Variants in ACTR3C observed in about 807,000 individuals in gnomAD.
ACTR3C encodes the protein actin-related protein 3C.
ACTR3C carries 18 observed loss-of-function variants against 26.3 expected under a neutral mutation model. The observed-to-expected ratio is 0.68, with a 90% CI of 0.47 to 1.01. The LOEUF is 1.01. Ranked by LOEUF, ACTR3C falls within the 50% of genes least tolerant of loss-of-function variation. The pLI is 0.00. For missense variants in ACTR3C, 184 were observed against 250.7 expected (o/e 0.73, Z 1.80); for synonymous variants, 55 against 94.5 (o/e 0.58, Z 2.42).
rs540380611 is a variant in ACTR3C, at chr7:150,288,264, C to T, written c.297+1186G>A. Among the ~76,000 whole-genome samples the T allele has an allele frequency of 6.7e-5, 10 of 150,136 alleles. No individual in the cohort carries two copies. In the East Asian group the frequency reaches 1.9e-3, roughly 29 times the overall value. ...GGGTCCAAATTGGAACCCCAACAGC[C>T]CGTGAGGAGAGTTGAAGGCCCAGCA... On this transcript the variant is annotated intron_variant, in intron 4 of 7. Transcript: ENST00000683684.
the ACTR3C span, among the ~76,000 whole-genome samples, chr7:150,131,564 G>A: frequency 6.6e-6 from 1 of 152,156 alleles, no homozygotes; most frequent in Admixed American, 6.5e-5. Flanking sequence ...ATCTTAGCCA[G>A]GACAGGAGCT....
At chr7:150,002,161 C>T in the ACTR3C span, 1 of 152,200 alleles carries the variant, frequency 6.6e-6, no homozygotes, top group African/African-American at 2.4e-5. Context: ...GATATAAGAC[C>T]CAGAGACTGG....
chr7:150,279,825 G>C (rs1002625339), intron 6 of ACTR3C, among the ~76,000 whole-genome samples: 8 of 152,130 alleles, frequency 5.3e-5, no homozygotes, highest in Admixed American at 5.2e-4. Flanking sequence ...TCACTTTAAT[G>C]ACATTTAGCT....
the ACTR3C span, among the ~76,000 whole-genome samples, chr7:150,122,632 T>C: frequency 6.6e-6 from 1 of 152,224 alleles, no homozygotes; most frequent in Admixed American, 6.5e-5. Context: ...GCTTTTACAC[T>C]GTTGGTGGGA....
chr7:150,020,537 C>G, the ACTR3C span, among the ~76,000 whole-genome samples: 2 of 151,960 alleles, frequency 1.3e-5, no homozygotes, highest in Non-Finnish European at 2.9e-5. Flanking sequence ...ACTTCATTCC[C>G]CCCATCCATG....
At chr7:150,209,722 TACACACACACACAC>T in the ACTR3C span, among the ~76,000 whole-genome samples, 9 of 129,306 alleles carry the variant, frequency 7.0e-5, no homozygotes, top group African/African-American at 8.8e-5. Flanking sequence ...CTACTAAAAA[TACACACACACACAC>T]ACACACACAC....
intron 6 of ACTR3C, among the ~76,000 whole-genome samples, chr7:150,266,310 G>A (rs2530953): frequency 0.19 from 26,468 of 137,002 alleles, 4,923 homozygotes; most frequent in African/African-American, 0.5. Flanking sequence ...AAAGTCATCA[G>A]GATACTTCAA....
intron 6 of ACTR3C, among the ~76,000 whole-genome samples, chr7:150,250,455 G>A (rs901450182): frequency 5.3e-5 from 8 of 151,770 alleles, no homozygotes; most frequent in East Asian, 3.9e-4. Context: ...CGCCCGCCTC[G>A]GCCTCCCAAA....
chr7:150,092,198 C>T, the ACTR3C span, among the ~76,000 whole-genome samples: 1 of 141,068 alleles, frequency 7.1e-6, no homozygotes, highest in Admixed American at 7.1e-5. Context: ...ATATTTACTA[C>T]ATGTTTTTCT....
chr7:150,271,193 T>A (rs1268833428), intron 6 of ACTR3C, among the ~76,000 whole-genome samples: 4 of 137,006 alleles, frequency 2.9e-5, no homozygotes, highest in Admixed American at 6.8e-5. Flanking sequence ...TACTACTTTT[T>A]AAATTATTAT....
chr7:150,029,426 A>AAAAC, the ACTR3C span, among the ~76,000 whole-genome samples: 1 of 129,598 alleles, frequency 7.7e-6, no homozygotes, highest in Non-Finnish European at 1.6e-5. Context: ...AACAAACAAA[A>AAAAC]AAAAACCATG....
chr7:149,998,954 G>A, the ACTR3C span, among the ~76,000 whole-genome samples: 2 of 150,440 alleles, frequency 1.3e-5, no homozygotes, highest in Non-Finnish European at 2.9e-5. Context: ...TGATGAGGAA[G>A]GGCCTACGTG....
chr7:150,035,399 A>C, the ACTR3C span, among the ~76,000 whole-genome samples: 79 of 31,314 alleles, frequency 2.5e-3, 8 homozygotes, highest in South Asian at 0.014. Context: ...TGGGGGTCCT[A>C]AGATCCAGGG....
chr7:150,154,856 A>G, the ACTR3C span, among the ~76,000 whole-genome samples: 6 of 152,184 alleles, frequency 3.9e-5, no homozygotes, highest in Non-Finnish European at 8.8e-5. Flanking sequence ...GGTTGTAGTG[A>G]ATTGCCTGGG....
chr7:149,929,557 G>A, the ACTR3C span, among the ~76,000 whole-genome samples: 2 of 135,064 alleles, frequency 1.5e-5, no homozygotes, highest in African/African-American at 5.6e-5. Flanking sequence ...TTTTGAGACG[G>A]AGTCTCGCTC....
chr7:149,982,212 G>A, the ACTR3C span, among the ~76,000 whole-genome samples: 2 of 152,132 alleles, frequency 1.3e-5, no homozygotes, highest in African/African-American at 4.8e-5. Flanking sequence ...GCTGCTGGGT[G>A]CCTGGGAGTT....
At chr7:150,158,986 C>T in the ACTR3C span, among the ~76,000 whole-genome samples, 5 of 124,178 alleles carry the variant, frequency 4.0e-5, no homozygotes, top group African/African-American at 1.6e-4. Context: ...GGCACGCACA[C>T]ACGCACACTC....
At chr7:150,161,226 T>TATA in the ACTR3C span, among the ~76,000 whole-genome samples, 1 of 78,882 alleles carries the variant, frequency 1.3e-5, no homozygotes, top group African/African-American at 6.9e-5. Context: ...ATATATATAT[T>TATA]TATTATACTT....
At chr7:150,160,817 T>C in the ACTR3C span, among the ~76,000 whole-genome samples, 8 of 151,114 alleles carry the variant, frequency 5.3e-5, no homozygotes, top group Non-Finnish European at 8.8e-5. Context: ...CCTACAGATA[T>C]TTGTCAAAGA....
Sources: gnomAD v4.1 joint callset for allele counts (sites outside exome capture counted in the v4.1 genomes callset) on GRCh38, gnomAD v4.1.1 for gene constraint, MANE v1.5 for transcripts, NCBI Gene and HGNC (gene_info 2026-07-23, HGNC 2026-07-21) for gene names.